The following ACER3 variants were observed in gnomAD, a reference collection of about 807,000 sequenced individuals.
ACER3 encodes alkaline ceramidase 3.
In ACER3, 16 loss-of-function variants were observed where a neutral mutation model predicts 48.9. The ratio of observed to expected loss-of-function variants is 0.33; its 90% confidence interval spans 0.22 to 0.50. ACER3 has a LOEUF of 0.50. Ranked by LOEUF, ACER3 falls within the 20% of genes least tolerant of loss-of-function variation. ACER3 has a pLI of 0.98. For synonymous variants in ACER3, 109 were observed against 107.8 expected (o/e 1.01, Z -0.07); for missense variants, 227 against 326.0 (o/e 0.70, Z 2.34).
intron 1 of ACER3, among the ~76,000 whole-genome samples, chr11:76,901,815 A>C (rs1448138345): frequency 6.6e-6 from 1 of 152,182 alleles, no homozygotes; most frequent in Non-Finnish European, 1.5e-5. Context: ...TAACATAACC[A>C]ATCAGGTCAG....
chr11:76,878,942 T>C (rs532512861), intron 1 of ACER3, among the ~76,000 whole-genome samples: 5 of 152,264 alleles, frequency 3.3e-5, no homozygotes, highest in Non-Finnish European at 5.9e-5. Context: ...TTTCTTGTGC[T>C]TCTTGGTCAT....
intron 2 of ACER3, among the ~76,000 whole-genome samples, chr11:76,939,626 A>G (rs1382487506): frequency 6.6e-6 from 1 of 152,160 alleles, no homozygotes; most frequent in African/African-American, 2.4e-5. Context: ...CAAAGGTACA[A>G]ACTGACAGCA....
At chr11:76,921,596 A>G (rs1267715554) in intron 1 of ACER3, among the ~76,000 whole-genome samples, 3 of 152,112 alleles carry the variant, frequency 2.0e-5, no homozygotes, top group African/African-American at 7.2e-5. Flanking sequence ...CTTGATATCT[A>G]GTAGTGTAAA....
chr11:76,923,814 G>A, intron 1 of ACER3, among the ~76,000 whole-genome samples: 1 of 152,164 alleles, frequency 6.6e-6, no homozygotes, highest in East Asian at 1.9e-4. Flanking sequence ...AGTAGGCACT[G>A]TTTCTGGCTA....
intron 3 of ACER3, among the ~76,000 whole-genome samples, chr11:76,970,890 C>T (rs980358957): frequency 9.9e-5 from 15 of 152,258 alleles, no homozygotes; most frequent in Middle Eastern, 3.4e-3. Context: ...CTATTACTCC[C>T]TCCAACAACC....
chr11:76,978,572 A>T (rs1565210917), intron 4 of ACER3: 1 of 152,250 alleles, frequency 6.6e-6, no homozygotes. Flanking sequence ...CGCATACCTC[A>T]TTCTTCCTGG....
At chr11:76,970,864 C>T (rs970207709) in intron 3 of ACER3, among the ~76,000 whole-genome samples, 5 of 152,160 alleles carry the variant, frequency 3.3e-5, no homozygotes, top group African/African-American at 4.8e-5. Flanking sequence ...AATCCATGCC[C>T]ATTAGCAACC....
At chr11:76,942,908 G>A (rs10899328) in intron 2 of ACER3, among the ~76,000 whole-genome samples, 86,707 of 151,794 alleles carry the variant, frequency 0.57, 27,959 homozygotes, top group Non-Finnish European at 0.74. Flanking sequence ...TCCTGGTTTA[G>A]TTTGGGGAGG....
chr11:76,979,595 G>A (rs1948532909), intron 4 of ACER3, among the ~76,000 whole-genome samples: 1 of 151,924 alleles, frequency 6.6e-6, no homozygotes, highest in Non-Finnish European at 1.5e-5. Flanking sequence ...AGAAGCTGCA[G>A]TGAGCTGAGA....
chr11:77,006,659 C>G (rs1949156433), intron 7 of ACER3, among the ~76,000 whole-genome samples: 2 of 150,082 alleles, frequency 1.3e-5, no homozygotes, highest in Non-Finnish European at 2.9e-5. Context: ...TGTCATGCCA[C>G]TTCCTCTGCC....
intron 7 of ACER3, among the ~76,000 whole-genome samples, chr11:77,001,069 T>C (rs1424956407): frequency 6.6e-6 from 1 of 152,206 alleles, no homozygotes; most frequent in African/African-American, 2.4e-5. Context: ...TTTATTTAGA[T>C]CTTTAATTTA....
In ACER3 at chr11:76,988,575, C is replaced by T. The variant is rs997114174; in HGVS notation, c.403-1964C>T. 2.2e-4 allele frequency among the ~76,000 whole-genome samples: 33 copies of T among 152,140 alleles called. 1 individual carries two copies. Among genetic ancestry groups the T allele is most frequent in the Non-Finnish European group, 5.9e-5 (4 of 68,026 alleles). On this transcript the variant is annotated intron_variant, in intron 5 of 10. Transcript: ENST00000532485. ...AACTCACTCACTATGATGAGAAAAG[C>T]ATGAGGGAACCACCCCCATGATCTG...
rs1949526937 is a variant in ACER3 at position 77,024,763 on chromosome 11, C to T, written c.*4436C>T. ...GTACTTTAAATAACAAATATTATTT[C>T]TCAAGGTCTTCATTTTATCATTAAA... On this transcript the variant is annotated 3_prime_UTR_variant, in exon 11 of 11. Transcript: ENST00000532485. 1 of 152,226 alleles carries T rather than the reference C, an allele frequency of 6.6e-6. No homozygotes were observed. The highest frequency in any genetic ancestry group is 1.5e-5 in the Non-Finnish European group (1 of 68,044). 9.4% of individuals were successfully genotyped at this position (152,226 alleles called of 1,614,324 possible). A position where few individuals can be genotyped will look rare whatever the true frequency, so the allele number is the denominator to read the frequency against.
intron 1 of ACER3, among the ~76,000 whole-genome samples, chr11:76,918,979 TGAACTTGC>T (rs763358525): frequency 0.57 from 86,192 of 151,510 alleles, 27,655 homozygotes; most frequent in Non-Finnish European, 0.73. Flanking sequence ...TTTGGCAAAA[TGAACTTGC>T]ATTGGGGAAA....
At chr11:76,906,427 A>G (rs1250190866) in intron 1 of ACER3, among the ~76,000 whole-genome samples, 1 of 152,174 alleles carries the variant, frequency 6.6e-6, no homozygotes, top group Non-Finnish European at 1.5e-5. Context: ...CTAACCAGAG[A>G]CAGACTCAGC....
intron 4 of ACER3, among the ~76,000 whole-genome samples, chr11:76,980,535 T>G (rs1438501391): frequency 6.6e-6 from 1 of 151,958 alleles, no homozygotes; most frequent in Admixed American, 6.6e-5. Context: ...AAAATTAGCT[T>G]GCATGATGGT....
chr11:76,989,974 G>A (rs1565216234), intron 5 of ACER3, among the ~76,000 whole-genome samples: 2 of 152,158 alleles, frequency 1.3e-5, no homozygotes, highest in African/African-American at 4.8e-5. Flanking sequence ...GCATAAGAAA[G>A]CATAAGAAAT....
At chr11:76,903,363 TG>T (rs1229144212) in intron 1 of ACER3, among the ~76,000 whole-genome samples, 4 of 152,002 alleles carry the variant, frequency 2.6e-5, no homozygotes, top group African/African-American at 9.7e-5. Context: ...AAAAAGGAAA[TG>T]CAACACTAGT....
At chr11:76,878,293 T>G (rs764450066) in intron 1 of ACER3, among the ~76,000 whole-genome samples, 1 of 151,730 alleles carries the variant, frequency 6.6e-6, no homozygotes, top group Non-Finnish European at 1.5e-5. Flanking sequence ...GGCAAAACCC[T>G]CAATTACTTT....
Sources: allele counts gnomAD v4.1 joint callset (sites outside exome capture counted in the v4.1 genomes callset), GRCh38; gene constraint gnomAD v4.1.1; transcripts MANE v1.5; gene names NCBI Gene and HGNC (gene_info 2026-07-23, HGNC 2026-07-21).